ACYP2: variants seen among roughly 807,000 people sequenced by gnomAD.
ACYP2 encodes the protein acylphosphatase-2.
In ACYP2, 12 loss-of-function variants were observed where a neutral mutation model predicts 11.2. The ratio of observed to expected loss-of-function variants is 1.08; its 90% CI spans 0.69 to 1.74. The LOEUF is 1.74. Ranked by LOEUF, ACYP2 falls within the 40% of genes most tolerant of loss-of-function variation. The probability of loss-of-function intolerance (pLI) is 0.00; values close to 1 mark genes in which losing one functional copy is unlikely to be tolerated. For missense variants in ACYP2, 134 were observed against 101.9 expected, an observed-to-expected ratio of 1.31 and a Z score of -1.35; for synonymous variants, 43 against 32.2, an observed-to-expected ratio of 1.33 and a Z score of -1.13.
At chr2:54,153,828 C>T (rs1453330554) in intron 6 of ACYP2, among the ~76,000 whole-genome samples, 2 of 152,030 alleles carry the variant, frequency 1.3e-5, no homozygotes, top group African/African-American at 4.8e-5. Context: ...TCTCAATCTC[C>T]TGACCTCGTG....
chr2:54,197,637 T>C (rs1328996696), intron 6 of ACYP2, among the ~76,000 whole-genome samples: 1 of 152,018 alleles, frequency 6.6e-6, no homozygotes, highest in Non-Finnish European at 1.5e-5. Flanking sequence ...AAGCCAGTCA[T>C]ACAAAGATCT....
chr2:54,084,266 T>C (rs372150590), intron 4 of ACYP2, among the ~76,000 whole-genome samples: 7 of 152,078 alleles, frequency 4.6e-5, no homozygotes, highest in African/African-American at 1.4e-4. Context: ...TAAATGCAAA[T>C]CTTAGTATTC....
intron 2 of ACYP2, chr2:54,030,562 C>A: frequency 6.5e-6 from 1 of 154,660 alleles, no homozygotes; most frequent in South Asian, 1.8e-4. Context: ...GTGCAATTGT[C>A]AGGGAGAGTT....
chr2:54,121,036 C>T (rs1558544041), intron 4 of ACYP2, among the ~76,000 whole-genome samples: 1 of 152,170 alleles, frequency 6.6e-6, no homozygotes, highest in Non-Finnish European at 1.5e-5. Context: ...TTTTTTCACT[C>T]CTATAGCTCG....
intron 6 of ACYP2, among the ~76,000 whole-genome samples, chr2:54,266,689 T>G (rs1182731672): frequency 7.5e-6 from 1 of 133,562 alleles, no homozygotes; most frequent in African/African-American, 2.7e-5. Context: ...CACTGCAAGC[T>G]CCGCCGTCCG....
intron 6 of ACYP2, among the ~76,000 whole-genome samples, chr2:54,246,971 T>G (rs569938518): frequency 4.6e-5 from 7 of 152,276 alleles, no homozygotes; most frequent in African/African-American, 1.7e-4. Flanking sequence ...GGAAAGACAC[T>G]TAAGACCCTC....
intron 2 of ACYP2, among the ~76,000 whole-genome samples, chr2:54,016,546 A>G (rs1310811990): frequency 6.6e-6 from 1 of 152,044 alleles, no homozygotes; most frequent in Non-Finnish European, 1.5e-5. Flanking sequence ...TCATTACCCA[A>G]AGAAGAGTTT....
At chr2:54,282,881 G>T (rs1688908805) in intron 6 of ACYP2, among the ~76,000 whole-genome samples, 1 of 152,112 alleles carries the variant, frequency 6.6e-6, no homozygotes, top group African/African-American at 2.4e-5. Context: ...TTCAAAGAGT[G>T]GCCATATCTA....
intron 2 of ACYP2, among the ~76,000 whole-genome samples, chr2:54,001,706 T>G (rs1367013223): frequency 6.6e-6 from 1 of 152,242 alleles, no homozygotes; most frequent in Non-Finnish European, 1.5e-5. Context: ...AAATACTTAT[T>G]TCTGCGTCCT....
intron 6 of ACYP2, among the ~76,000 whole-genome samples, chr2:54,259,238 G>T (rs1687680656): frequency 6.6e-6 from 1 of 152,202 alleles, no homozygotes; most frequent in South Asian, 2.1e-4. Flanking sequence ...CATATTGTTT[G>T]AGATGATTAT....
chr2:54,300,801 T>G (rs1458692390), intron 6 of ACYP2, among the ~76,000 whole-genome samples: 1 of 152,210 alleles, frequency 6.6e-6, no homozygotes, highest in Non-Finnish European at 1.5e-5. Flanking sequence ...CTGTACAATT[T>G]TGCACTCCCA....
At chr2:54,097,870 T>TTC (rs112622014) in intron 4 of ACYP2, among the ~76,000 whole-genome samples, 4 of 136,230 alleles carry the variant, frequency 2.9e-5, no homozygotes, top group Admixed American at 2.2e-4. Flanking sequence ...TTCTTTCTCT[T>TTC]TCTCTCTCTC....
At chr2:54,210,481 CACTT>C (rs1469874692) in intron 6 of ACYP2, among the ~76,000 whole-genome samples, 1 of 152,066 alleles carries the variant, frequency 6.6e-6, no homozygotes, top group Non-Finnish European at 1.5e-5. Flanking sequence ...TGTTATAATT[CACTT>C]CCAATATGTT....
At chr2:54,153,919 A>G (rs763678058) in intron 6 of ACYP2, among the ~76,000 whole-genome samples, 5 of 152,066 alleles carry the variant, frequency 3.3e-5, no homozygotes, top group African/African-American at 4.8e-5. Flanking sequence ...ACTTTTTAAC[A>G]ATATTAATTC....
intron 6 of ACYP2, among the ~76,000 whole-genome samples, chr2:54,297,168 A>G (rs1394198585): frequency 6.6e-6 from 1 of 151,976 alleles, no homozygotes; most frequent in East Asian, 1.9e-4. Flanking sequence ...CTGAAAGGCA[A>G]GTAGTCAAAC....
At chr2:54,002,578 C>CCAGCCTGGGGGACAAGAGTGAG (rs1558464207) in intron 2 of ACYP2, among the ~76,000 whole-genome samples, 1 of 151,920 alleles carries the variant, frequency 6.6e-6, no homozygotes, top group African/African-American at 2.4e-5. Flanking sequence ...GTCTTGCACT[C>CCAGCCTGGGGGACAAGAGTGAG]AACTGATTCA....
At chr2:54,276,757 T>C (rs1688610821) in intron 6 of ACYP2, among the ~76,000 whole-genome samples, 1 of 152,128 alleles carries the variant, frequency 6.6e-6, no homozygotes, top group South Asian at 2.1e-4. Flanking sequence ...CTGGAGAAAT[T>C]TGAAAATAAT....
intron 6 of ACYP2, among the ~76,000 whole-genome samples, chr2:54,303,134 T>C (rs570397140): frequency 1.3e-5 from 2 of 152,248 alleles, no homozygotes; most frequent in African/African-American, 2.4e-5. Context: ...GGAGGGAGGA[T>C]TGCTTGAGGC....
chr2:54,233,108 T>G (rs911917669), intron 6 of ACYP2, among the ~76,000 whole-genome samples: 14 of 152,146 alleles, frequency 9.2e-5, no homozygotes, highest in African/African-American at 3.1e-4. Context: ...TCTGTTGAGA[T>G]GATCATGTGG....
Sources: allele counts gnomAD v4.1 joint callset (sites outside exome capture counted in the v4.1 genomes callset), GRCh38; gene constraint gnomAD v4.1.1; transcripts MANE v1.5; gene names NCBI Gene and HGNC (gene_info 2026-07-23, HGNC 2026-07-21).